The following PLEKHA8 variants were observed in gnomAD, a reference collection of about 807,000 sequenced individuals.
The protein encoded by PLEKHA8 is pleckstrin homology domain containing A8.
Under a neutral mutation model 68.2 loss-of-function variants are expected in PLEKHA8, and 36 were observed. The observed-to-expected ratio is 0.53, with a 90% confidence interval of 0.40 to 0.70. PLEKHA8 has a LOEUF of 0.70. Among genes scored for constraint, PLEKHA8 ranks in the 30% least tolerant of loss-of-function variants. The probability of loss-of-function intolerance (pLI) is 0.00; values close to 1 mark genes in which losing one functional copy is unlikely to be tolerated. For missense variants in PLEKHA8, 505 were observed against 615.4 expected (o/e 0.82, Z 1.90); for synonymous variants, 211 against 216.1 (o/e 0.98, Z 0.20).
chr7:30,064,343 G>C (rs1793664863), intron 12 of PLEKHA8, among the ~76,000 whole-genome samples: 1 of 152,198 alleles, frequency 6.6e-6, no homozygotes, highest in Admixed American at 6.5e-5. Context: ...CTTGAGTTCA[G>C]GAGTTTGAGA....
chr7:30,079,283 C>A lies in PLEKHA8; in HGVS notation c.*496C>A. 2 of 989,012 alleles carry A rather than the reference C, an allele frequency of 2.0e-6. No homozygotes were observed. Among genetic ancestry groups the A allele is most frequent in the Non-Finnish European group, 2.4e-6 (2 of 832,308 alleles). 61.3% of individuals were successfully genotyped at this position (989,012 alleles called of 1,614,324 possible). ...GATGTTCTTCAGTGGACCCTCTTCA[C>A]TGCAACTCTGTCAGTGATAAGGGCC... On this transcript the variant is annotated 3_prime_UTR_variant, in exon 14 of 14. Transcript: ENST00000449726.
chr7:30,053,164 A>C (rs1322453382), intron 7 of PLEKHA8, among the ~76,000 whole-genome samples: 1 of 152,162 alleles, frequency 6.6e-6, no homozygotes, highest in Non-Finnish European at 1.5e-5. Context: ...CTTTGAACTT[A>C]GATTATGATG....
At chr7:30,115,449 TATATGTATGC>T (rs772367504) in intron 13 of PLEKHA8, among the ~76,000 whole-genome samples, 1 of 152,068 alleles carries the variant, frequency 6.6e-6, no homozygotes, top group Non-Finnish European at 1.5e-5. Flanking sequence ...TATACATGTA[TATATGTATGC>T]ATATGTATAC....
At chr7:30,074,465 T>A (rs1455211590) in intron 13 of PLEKHA8, among the ~76,000 whole-genome samples, 1 of 152,160 alleles carries the variant, frequency 6.6e-6, no homozygotes, top group Non-Finnish European at 1.5e-5. Context: ...CTCTAGCCAA[T>A]TCCAATGACC....
intron 1 of PLEKHA8, among the ~76,000 whole-genome samples, chr7:30,041,329 C>A (rs1391898652): frequency 6.6e-6 from 1 of 152,072 alleles, no homozygotes; most frequent in Non-Finnish European, 1.5e-5. Flanking sequence ...TATTGAACAT[C>A]CCTTGTATAA....
chr7:30,097,187 G>A lies in PLEKHA8; in HGVS notation c.1362+23055G>A, dbSNP rs147109891. Among the ~76,000 whole-genome samples, 69 of 152,264 alleles carry A rather than the reference G, an allele frequency of 4.5e-4. 1 individual carries two copies. Among genetic ancestry groups the A allele is most frequent in the African/African-American group, 4.1e-4 (17 of 41,546 alleles). ...TCTTCTGGCTTGTAGAGTTACTGCCGAGAGATCAGCTGTTAGTCTGATGAA... is the reference window on the plus strand; with the variant it reads ...TCTTCTGGCTTGTAGAGTTACTGCCAAGAGATCAGCTGTTAGTCTGATGAA... On this transcript the variant is annotated intron_variant, in intron 13 of 13. Coordinates refer to the PLEKHA8 transcript ENST00000396257.
chr7:30,110,158 A>G (rs867017887), intron 13 of PLEKHA8, among the ~76,000 whole-genome samples: 1 of 152,086 alleles, frequency 6.6e-6, no homozygotes, highest in Non-Finnish European at 1.5e-5. Flanking sequence ...GCAACCCTGT[A>G]CTTATTAAGC....
chr7:30,066,952 G>C (rs1250870340), intron 12 of PLEKHA8, among the ~76,000 whole-genome samples: 1 of 152,214 alleles, frequency 6.6e-6, no homozygotes, highest in African/African-American at 2.4e-5. Flanking sequence ...CAAATCATAA[G>C]TTGGCCATTC....
At chr7:30,119,308 G>A (rs1476127547) in intron 13 of PLEKHA8, among the ~76,000 whole-genome samples, 1 of 152,100 alleles carries the variant, frequency 6.6e-6, no homozygotes, top group Non-Finnish European at 1.5e-5. Context: ...CCTAAGAGGT[G>A]GGCATTTTAA....
intron 13 of PLEKHA8, among the ~76,000 whole-genome samples, chr7:30,125,720 A>G (rs115808115): frequency 0.017 from 2,612 of 152,310 alleles, 89 homozygotes; most frequent in African/African-American, 0.059. Context: ...GTTTTCAACT[A>G]TGGAGTTTTA....
chr7:30,120,066 A>G (rs1796670082), intron 13 of PLEKHA8, among the ~76,000 whole-genome samples: 1 of 152,116 alleles, frequency 6.6e-6, no homozygotes, highest in Admixed American at 6.6e-5. Flanking sequence ...GCTATCAAAA[A>G]GCTAAGAACT....
At position 30,078,732 on chromosome 7, in the gene PLEKHA8, C is replaced by T; in HGVS notation, c.1505C>T (p.Ala502Val). Residue 502 changes from alanine to valine, a missense_variant, in exon 14 of 14, where the codon GCC becomes GTC. Ala to Val is a moderately conservative substitution (Grantham distance 64). Coordinates refer to ENST00000449726, the MANE Select transcript of PLEKHA8 (RefSeq NM_001197026.2). ...LYLPAMEKQLAILDTLYEVHG... is the reference protein window; with the variant it reads ...LYLPAMEKQLVILDTLYEVHG... ...CTCCCTGCCATGGAGAAGCAGCTGGCCATACTGGACACTTTATATGAGGTC... is the reference window on the plus strand; with the variant it reads ...CTCCCTGCCATGGAGAAGCAGCTGGTCATACTGGACACTTTATATGAGGTC... The T allele has an allele frequency of 6.2e-7, 1 of 1,613,760 alleles. No individual in the cohort carries two copies. Among genetic ancestry groups the T allele is most frequent in the Non-Finnish European group, 8.5e-7 (1 of 1,179,808 alleles).
rs756899189 is a variant in PLEKHA8 at position 30,049,203 on chromosome 7, TC to T, written c.439-19del. On this transcript the variant is annotated intron_variant, in intron 4 of 13. Coordinates refer to ENST00000449726, the MANE Select transcript of PLEKHA8 (RefSeq NM_001197026.2). ...CTTTTTTGGCAAGGTAAAGGAGTCT[TC>T]CACTCTGGTTGTTTCGTAGGAGGGA... The T allele has an allele frequency of 6.2e-7, 1 of 1,613,310 alleles. No individual in the cohort carries two copies. Among genetic ancestry groups the T allele is most frequent in the Non-Finnish European group, 8.5e-7 (1 of 1,179,960 alleles).
intron 9 of PLEKHA8, among the ~76,000 whole-genome samples, chr7:30,058,613 ACT>A (rs1793187601): frequency 6.6e-6 from 1 of 150,786 alleles, no homozygotes; most frequent in African/African-American, 2.4e-5. Context: ...CTGTTTCTGG[ACT>A]CTCTTTTCTG....
intron 12 of PLEKHA8, among the ~76,000 whole-genome samples, chr7:30,073,866 T>C (rs1794426567): frequency 6.6e-6 from 1 of 152,034 alleles, no homozygotes; most frequent in African/African-American, 2.4e-5. Flanking sequence ...CATCCACACC[T>C]GTAGTCCTAG....
At chr7:30,041,076 T>C (rs1791493151) in intron 1 of PLEKHA8, among the ~76,000 whole-genome samples, 1 of 152,230 alleles carries the variant, frequency 6.6e-6, no homozygotes, top group African/African-American at 2.4e-5. Flanking sequence ...CTCTTTTCTC[T>C]ACAATTCATC....
rs149535550 is a variant in PLEKHA8, at chr7:30,101,988, G to A, written c.1363-27278G>A. 1.8e-4 allele frequency among the ~76,000 whole-genome samples: 28 copies of A among 152,296 alleles called. No homozygotes were observed. In the East Asian group the frequency reaches 3.5e-3, roughly 19 times the overall value. On this transcript the variant is annotated intron_variant, in intron 13 of 13. Coordinates refer to the PLEKHA8 transcript ENST00000396257. ...CATCAAAGGACATTGTCAAAGAAAT[G>A]AGAAGATAACCTACAGAATGAGAGA...
intron 12 of PLEKHA8, 80 bp downstream of exon 12, chr7:30,062,822 G>A (rs1474023315): frequency 4.0e-6 from 4 of 987,900 alleles, no homozygotes; most frequent in Admixed American, 5.4e-5. Context: ...AGGGTATAGG[G>A]GATATTTCTG....
At chr7:30,036,685 A>G (rs550517083) in intron 1 of PLEKHA8, among the ~76,000 whole-genome samples, 1 of 152,310 alleles carries the variant, frequency 6.6e-6, no homozygotes, top group South Asian at 2.1e-4. Flanking sequence ...GGTTTTAAAG[A>G]GAATTTGATA....
Sources: allele counts gnomAD v4.1 joint callset (sites outside exome capture counted in the v4.1 genomes callset), GRCh38; gene constraint gnomAD v4.1.1; transcripts MANE v1.5; gene names NCBI Gene and HGNC (gene_info 2026-07-23, HGNC 2026-07-21).